The following KLHL3 variants were observed in gnomAD, a reference collection of about 807,000 sequenced individuals.
KLHL3 encodes the protein kelch like family member 3, also known as kelch-like protein 3.
A neutral mutation model predicts 70.5 loss-of-function variants in KLHL3; 19 were observed. The ratio of observed to expected loss-of-function variants is 0.27; its 90% CI spans 0.19 to 0.40. The LOEUF (loss-of-function observed/expected upper bound fraction) is 0.40. Among genes scored for constraint, KLHL3 ranks in the 10% least tolerant of loss-of-function variants. The pLI is 1.00. For missense variants in KLHL3, 512 were observed against 771.1 expected (o/e 0.66, Z 3.98); for synonymous variants, 258 against 290.3 (o/e 0.89, Z 1.13).
chr5:137,654,124 T>C (rs1349982684), intron 8 of KLHL3, among the ~76,000 whole-genome samples: 2 of 152,128 alleles, frequency 1.3e-5, no homozygotes, highest in African/African-American at 4.8e-5. Context: ...AAGCAGCACA[T>C]GGAAACTTTT....
intron 3 of KLHL3, among the ~76,000 whole-genome samples, chr5:137,700,295 C>T (rs983959995): frequency 6.6e-6 from 1 of 152,168 alleles, no homozygotes; most frequent in African/African-American, 2.4e-5. Context: ...TTGGTAATTA[C>T]ACTGCAAAAG....
intron 5 of KLHL3, among the ~76,000 whole-genome samples, chr5:137,682,878 T>G (rs1285684644): frequency 6.6e-6 from 1 of 152,162 alleles, no homozygotes; most frequent in Admixed American, 6.5e-5. Flanking sequence ...GCCCCAGGAC[T>G]ATTCTTCTCT....
intron 4 of KLHL3, among the ~76,000 whole-genome samples, chr5:137,695,097 C>G (rs1033416398): frequency 3.3e-5 from 5 of 152,178 alleles, no homozygotes; most frequent in African/African-American, 1.2e-4. Context: ...AAGGAGACAG[C>G]AGCACAGTGT....
intron 3 of KLHL3, among the ~76,000 whole-genome samples, chr5:137,706,765 A>C (rs1161433493): frequency 6.6e-6 from 1 of 152,266 alleles, no homozygotes; most frequent in East Asian, 1.9e-4. Flanking sequence ...AAAGATATTC[A>C]TTATATATTG....
rs1297472282 is a variant in KLHL3 at position 137,628,263 on chromosome 5, C to T, written c.1591+34G>A. ...GTCTTCAGGGAGAAAAGGCACACAA[C>T]CCCCAAAGGGGAGATGGAGAGAGCA... On this transcript the variant is annotated intron_variant, in intron 13 of 14. Transcript: ENST00000309755. 3 of 1,611,720 alleles carry T rather than the reference C, an allele frequency of 1.9e-6. No individual in the cohort carries two copies. The Admixed American group carries it at 5.0e-5, about 27-fold the overall frequency.
chr5:137,735,712 T>G lies in KLHL3; in HGVS notation c.-66A>C. On this transcript the variant is annotated 5_prime_UTR_variant, in exon 1 of 15. Coordinates refer to ENST00000309755, the MANE Select transcript of KLHL3 (RefSeq NM_017415.3). Reference sequence around the variant, plus strand: ...ATGCACTCGGGGATCCTAGTTCTGTTCTTGATTCTCCCAGCAGACCAGTGG... The same window carrying G: ...ATGCACTCGGGGATCCTAGTTCTGTGCTTGATTCTCCCAGCAGACCAGTGG... 1 of 1,613,270 alleles carries G rather than the reference T, an allele frequency of 6.2e-7. No individual in the cohort carries two copies. Among genetic ancestry groups the G allele is most frequent in the Non-Finnish European group, 8.5e-7 (1 of 1,179,206 alleles).
intron 11 of KLHL3, among the ~76,000 whole-genome samples, chr5:137,634,394 C>G (rs756012020): frequency 6.6e-6 from 1 of 152,204 alleles, no homozygotes; most frequent in Non-Finnish European, 1.5e-5. Flanking sequence ...AAACACTTAA[C>G]GTCTTTCTAA....
chr5:137,663,626 G>A (rs1219635380), intron 6 of KLHL3, among the ~76,000 whole-genome samples: 1 of 151,980 alleles, frequency 6.6e-6, no homozygotes, highest in Non-Finnish European at 1.5e-5. Context: ...TGTAGTACTT[G>A]GTGTTGCAGC....
chr5:137,716,352 T>C (rs981464218), intron 2 of KLHL3, among the ~76,000 whole-genome samples: 1 of 129,326 alleles, frequency 7.7e-6, no homozygotes, highest in East Asian at 2.0e-4. Flanking sequence ...ATATGTTTGT[T>C]TGTTTGTTTG....
intron 6 of KLHL3, chr5:137,671,875 G>A (rs898832959): frequency 2.0e-5 from 3 of 151,962 alleles, no homozygotes; most frequent in African/African-American, 7.3e-5. Flanking sequence ...TAGTTATGTG[G>A]GTGTTTTACT....
chr5:137,646,374 A>T (rs190594678), intron 8 of KLHL3, among the ~76,000 whole-genome samples: 2 of 152,274 alleles, frequency 1.3e-5, no homozygotes, highest in East Asian at 3.9e-4. Context: ...GTCAAAAGAA[A>T]TCCAATTTTT....
intron 12 of KLHL3, among the ~76,000 whole-genome samples, chr5:137,633,278 CAAAAAAAAAAAA>C (rs56084512): frequency 5.6e-5 from 4 of 72,016 alleles, no homozygotes; most frequent in South Asian, 1.4e-3. Flanking sequence ...GACTTCATCT[CAAAAAAAAAAAA>C]AAAAAAAAAA....
chr5:137,678,951 G>A (rs185112626), intron 5 of KLHL3, among the ~76,000 whole-genome samples: 2 of 151,914 alleles, frequency 1.3e-5, no homozygotes, highest in Admixed American at 6.6e-5. Context: ...GTTTTTTTAC[G>A]AAGGAAACCA....
At chr5:137,642,856 CT>C (rs1169070475) in intron 8 of KLHL3, among the ~76,000 whole-genome samples, 5 of 151,164 alleles carry the variant, frequency 3.3e-5, no homozygotes, top group Non-Finnish European at 7.4e-5. Flanking sequence ...TATCCAGCTT[CT>C]TTTGTAAATT....
intron 8 of KLHL3, among the ~76,000 whole-genome samples, chr5:137,644,188 C>T (rs1750985848): frequency 6.6e-6 from 1 of 152,160 alleles, no homozygotes; most frequent in Non-Finnish European, 1.5e-5. Flanking sequence ...CCTGCCTCAG[C>T]CTCCCATGTA....
At chr5:137,632,883 A>G (rs1262739602) in intron 12 of KLHL3, among the ~76,000 whole-genome samples, 1 of 152,232 alleles carries the variant, frequency 6.6e-6, no homozygotes, top group Admixed American at 6.5e-5. Flanking sequence ...AAGGCATGCC[A>G]GTGTGGCCAA....
intron 6 of KLHL3, among the ~76,000 whole-genome samples, chr5:137,671,540 C>T (rs1010860302): frequency 6.6e-6 from 1 of 152,132 alleles, no homozygotes; most frequent in Non-Finnish European, 1.5e-5. Flanking sequence ...GAGGCAGACA[C>T]ACACAGCTTC....
intron 1 of KLHL3, among the ~76,000 whole-genome samples, chr5:137,731,757 T>C (rs544767113): frequency 3.0e-4 from 46 of 152,248 alleles, no homozygotes; most frequent in African/African-American, 1.1e-3. Flanking sequence ...AAATAGACAA[T>C]TAACTTCCCC....
chr5:137,720,732 T>C, intron 1 of KLHL3, 148 bp from the exon 2 acceptor site: 1 of 1,463,516 alleles, frequency 6.8e-7, no homozygotes, highest in Non-Finnish European at 9.0e-7. Flanking sequence ...GACAATGTAC[T>C]GGGAATTTCT....
Sources: allele counts gnomAD v4.1 joint callset (sites outside exome capture counted in the v4.1 genomes callset), GRCh38; gene constraint gnomAD v4.1.1; transcripts MANE v1.5; gene names NCBI Gene and HGNC (gene_info 2026-07-23, HGNC 2026-07-21).